Variants in CNOT1 observed in about 807,000 individuals in gnomAD.
The protein encoded by CNOT1 is CCR4-NOT transcription complex subunit 1.
CNOT1 carries 15 observed loss-of-function variants against 273.8 expected under a neutral mutation model. The observed-to-expected ratio is 0.05, with a 90% CI of 0.04 to 0.08. The LOEUF (loss-of-function observed/expected upper bound fraction) is 0.08. Among genes scored for constraint, CNOT1 ranks in the 10% least tolerant of loss-of-function variants. The pLI is 1.00. For missense variants in CNOT1, 1,644 were observed against 2,912.2 expected, an observed-to-expected ratio of 0.56 and a Z score of 10.02; for synonymous variants, 1,022 against 1,005.5, an observed-to-expected ratio of 1.02 and a Z score of -0.31.
At chr16:58,554,207 TAA>T (rs553508124) in intron 21 of CNOT1, among the ~76,000 whole-genome samples, 1 of 145,286 alleles carries the variant, frequency 6.9e-6, no homozygotes. Flanking sequence ...TACACAGCTG[TAA>T]AAAAAAAAAC....
chr16:58,576,430 T>TA, intron 14 of CNOT1, 33 bp downstream of exon 14: 1 of 1,612,812 alleles, frequency 6.2e-7, no homozygotes, highest in Non-Finnish European at 8.5e-7. Flanking sequence ...CATTAGTAAA[T>TA]AAACTGGTGT....
At position 58,525,316 on chromosome 16, in the gene CNOT1, T is replaced by C. The variant is rs1184460054; in HGVS notation, c.6647A>G (p.Asn2216Ser). 3.1e-6 allele frequency: 5 copies of C among 1,613,684 alleles called. No homozygotes were observed. Among genetic ancestry groups the C allele is most frequent in the Non-Finnish European group, 2.5e-6 (3 of 1,180,046 alleles). Residue 2216 changes from asparagine to serine, a missense_variant, in exon 46 of 49, where the codon AAT becomes AGT. Transcript: ENST00000317147. ...PGNRYNLQLI[N>S]ALVLYVGTQA... Reference sequence around the variant, plus strand: ...AGTCCCGACATAGAGCACCAGTGCATTGATGAGCTGGAGGTTGTAGCGATT... The same window carrying C: ...AGTCCCGACATAGAGCACCAGTGCACTGATGAGCTGGAGGTTGTAGCGATT...
At chr16:58,536,196 A>G (rs576907855) in intron 39 of CNOT1, among the ~76,000 whole-genome samples, 1 of 152,320 alleles carries the variant, frequency 6.6e-6, no homozygotes, top group South Asian at 2.1e-4. Flanking sequence ...ATCTGCAGAA[A>G]TAAGCAGACA....
In CNOT1 at chr16:58,592,837, G is replaced by A. The variant is rs151334971; in HGVS notation, c.103-3931C>T. ...AAATAGCAGAATGGTCAAGAGTATAGAGCTGAGGGAAGAATCAAGATCAAG... is the reference window on the plus strand; with the variant it reads ...AAATAGCAGAATGGTCAAGAGTATAAAGCTGAGGGAAGAATCAAGATCAAG... On this transcript the variant is annotated intron_variant, in intron 2 of 48. Transcript: ENST00000317147. 4.9e-3 allele frequency among the ~76,000 whole-genome samples: 740 copies of A among 152,302 alleles called. 3 individuals carry two copies. The highest frequency in any genetic ancestry group is 0.017 in the African/African-American group (693 of 41,564).
chr16:58,546,216 A>C, intron 29 of CNOT1, 105 bp downstream of exon 29: 1 of 1,005,594 alleles, frequency 9.9e-7, no homozygotes, highest in Non-Finnish European at 1.5e-6. Flanking sequence ...AAGTTTCACC[A>C]CTACATTATG....
chr16:58,576,846 A>C (rs6499962), intron 13 of CNOT1, among the ~76,000 whole-genome samples: 114,665 of 152,150 alleles, frequency 0.75, 43,633 homozygotes, highest in Middle Eastern at 0.86. Context: ...TTTAAGTCTG[A>C]CTATCATTTT....
intron 30 of CNOT1, among the ~76,000 whole-genome samples, chr16:58,544,877 C>T (rs2040207647): frequency 6.6e-6 from 1 of 152,138 alleles, no homozygotes; most frequent in Non-Finnish European, 1.5e-5. Context: ...TGTATCAGAC[C>T]TCCTTCTGGA....
intron 1 of CNOT1, among the ~76,000 whole-genome samples, chr16:58,609,960 T>C (rs943623461): frequency 2.6e-5 from 4 of 151,992 alleles, no homozygotes; most frequent in African/African-American, 9.7e-5. Context: ...CTCAAACATT[T>C]GAGCCCTAAC....
At chr16:58,538,956 T>C in intron 35 of CNOT1, 42 bp from the exon 36 acceptor site, 1 of 1,597,410 alleles carries the variant, frequency 6.3e-7, no homozygotes, top group Non-Finnish European at 8.5e-7. Flanking sequence ...AAAAATACAG[T>C]GCTTGGCCCA....
intron 25 of CNOT1, chr16:58,548,390 T>C (rs1311969649): frequency 4.5e-6 from 2 of 441,124 alleles, no homozygotes; most frequent in Non-Finnish European, 8.9e-6. Flanking sequence ...TAGGGCTATA[T>C]TTAAACTTCT....
rs1386922930 is a variant in CNOT1 at position 58,519,992 on chromosome 16, C to CAT, written c.*964_*965dup. ...AATGGTTAGCTACAGTATGCATACACATACAAGAAGTAGGGGAGCTGAAGC... is the reference window on the plus strand; with the variant it reads ...AATGGTTAGCTACAGTATGCATACACATATACAAGAAGTAGGGGAGCTGAAGC... On this transcript the variant is annotated 3_prime_UTR_variant, in exon 49 of 49. Transcript: ENST00000317147. 1 of 152,198 alleles carries CAT rather than the reference C, an allele frequency of 6.6e-6. No homozygotes were observed. The allele number at this position is 152,198 out of a possible 1,614,324, so 9.4% of individuals were successfully genotyped here.
chr16:58,547,771 T>C lies in CNOT1; in HGVS notation c.3523-89A>G. The C allele has an allele frequency of 1.6e-6, 2 of 1,248,830 alleles. No homozygotes were observed. Among genetic ancestry groups the C allele is most frequent in the South Asian group, 1.6e-5 (1 of 62,666 alleles). 77.4% of individuals were successfully genotyped at this position (1,248,830 alleles called of 1,614,324 possible). On this transcript the variant is annotated intron_variant, in intron 25 of 48. Transcript: ENST00000317147. This position sits in a 1 kb window ranked among gnomAD's most constrained non-coding sequence, Gnocchi z 4.0. The stretch of plus-strand genomic sequence containing the variant: ...ATTTGAGAATTCCATTATCCTATCC[T>C]AAAGACAAGTCATCATTTCTAAGAA...
In CNOT1 at chr16:58,545,255, A is replaced by G. The variant is rs1032107648; in HGVS notation, c.4137+106T>C. 5.9e-6 allele frequency: 9 copies of G among 1,527,300 alleles called. No individual in the cohort carries two copies. The African/African-American group carries it at 1.2e-4, about 21-fold the overall frequency. 94.6% of individuals were successfully genotyped at this position (1,527,300 alleles called of 1,614,324 possible). ...TCCATCCTCTCTGACAAACTCTACA[A>G]CCTAGGAATCCAGAGGGAAGGGCAA... On this transcript the variant is annotated intron_variant, in intron 30 of 48. Transcript: ENST00000317147.
intron 1 of CNOT1, among the ~76,000 whole-genome samples, chr16:58,625,385 G>A (rs1401806633): frequency 2.0e-5 from 3 of 152,198 alleles, no homozygotes; most frequent in South Asian, 2.1e-4. Flanking sequence ...GGCGGCGTGC[G>A]CCTGTAATCC....
At position 58,539,859 on chromosome 16, in the gene CNOT1, G is replaced by C; in HGVS notation, c.4901C>G (p.Pro1634Arg). 6.2e-7 allele frequency: 1 copy of C among 1,614,168 alleles called. No homozygotes were observed. The highest frequency in any genetic ancestry group is 8.5e-7 in the Non-Finnish European group (1 of 1,180,026). Residue 1634 changes from proline to arginine, a missense_variant, in exon 35 of 49, where the codon CCT becomes CGT. By Grantham distance (103) the Pro-to-Arg change is moderately radical. Coordinates refer to ENST00000317147, the MANE Select transcript of CNOT1 (RefSeq NM_016284.5). ...HAIPPTLAMN[P>R]QAQALRSLLE... ...GAGACTTCGAAGAGCCTGAGCTTGAGGGTTCATGGCCAAAGTTGGTGGGAT... is the reference window on the plus strand; with the variant it reads ...GAGACTTCGAAGAGCCTGAGCTTGACGGTTCATGGCCAAAGTTGGTGGGAT...
chr16:58,578,808 T>C lies in CNOT1; in HGVS notation c.1475A>G (p.Asn492Ser), dbSNP rs569380308. ...ATGGCGCAAGGTATGCCAAGAGGTGTTAATTTGTAGTAAGGCCAATACCAG... is the reference window on the plus strand; with the variant it reads ...ATGGCGCAAGGTATGCCAAGAGGTGCTAATTTGTAGTAAGGCCAATACCAG... The part of the protein sequence containing the change: ...DMLVLALLQI[N>S]TSWHTLRHEL... Residue 492 changes from asparagine (N) to serine (S), a missense_variant, in exon 13 of 49, where the codon AAC becomes AGC. Transcript: ENST00000317147. The C allele has an allele frequency of 6.2e-7, 1 of 1,614,094 alleles. No individual in the cohort carries two copies. The highest frequency in any genetic ancestry group is 2.2e-5 in the East Asian group (1 of 44,872).
chr16:58,550,862 A>G (rs2040428452), intron 24 of CNOT1, among the ~76,000 whole-genome samples: 1 of 152,202 alleles, frequency 6.6e-6, no homozygotes, highest in African/African-American at 2.4e-5. Flanking sequence ...TCTGGGAGAA[A>G]ATGAGGTATG....
In CNOT1 at chr16:58,547,554, G is replaced by A. The variant is rs761987035; in HGVS notation, c.3639+12C>T. On this transcript the variant is annotated intron_variant, in intron 26 of 48. Transcript: ENST00000317147. This position sits in a 1 kb window ranked among gnomAD's most constrained non-coding sequence, Gnocchi z 4.0. ...AAGATTCTCAATTTTTACACATTTA[G>A]ATGAAACTCACAGTGTGTAAGATGG... The A allele has an allele frequency of 6.2e-7, 1 of 1,602,160 alleles. No individual in the cohort carries two copies. The highest frequency in any genetic ancestry group is 1.7e-5 in the Admixed American group (1 of 58,204).
intron 24 of CNOT1, among the ~76,000 whole-genome samples, chr16:58,550,762 T>C (rs2040425013): frequency 6.6e-6 from 1 of 152,192 alleles, no homozygotes; most frequent in African/African-American, 2.4e-5. Context: ...TGTCTTACCA[T>C]GTAATCTGAG....
Sources: gnomAD v4.1 joint callset for allele counts (sites outside exome capture counted in the v4.1 genomes callset) on GRCh38, gnomAD v4.1.1 for gene constraint, Gnocchi (gnomAD v3.1) non-coding constraint, MANE v1.5 for transcripts, NCBI Gene and HGNC (gene_info 2026-07-23, HGNC 2026-07-21) for gene names.